The following H1-6 variants were observed in gnomAD, a reference collection of about 807,000 sequenced individuals.
H1-6 encodes the protein H1.6 linker histone, cluster member, also known as histone H1t.
For missense variants in H1-6, 538 were observed against 246.5 expected (o/e 2.18, Z -7.92); for synonymous variants, 225 against 100.1 (o/e 2.25, Z -7.45).
Position 26,107,425 on chromosome 6 carries a change from A to G in H1-6, c.*45T>C. On this transcript the variant is annotated 3_prime_UTR_variant, in exon 1 of 1. Coordinates refer to ENST00000338379, the MANE Select transcript of H1-6 (RefSeq NM_005323.4). ...CTTAAAATAATGTGGGTGGCTCTTA[A>G]AAGAGCCTTTGGGTTCTTTCCAAAT... 2 of 1,517,084 alleles carry G rather than the reference A, an allele frequency of 1.3e-6. No individual in the cohort carries two copies. Among genetic ancestry groups the G allele is most frequent in the Non-Finnish European group, 1.8e-6 (2 of 1,129,044 alleles). 94.0% of individuals were successfully genotyped at this position (1,517,084 alleles called of 1,614,324 possible). A position where few individuals can be genotyped will look rare whatever the true frequency, so the allele number is the denominator to read the frequency against.
chr6:26,107,923 T>C lies in H1-6; in HGVS notation c.171A>G (p.Glu57=), dbSNP rs41266795. The C allele has an allele frequency of 1.6e-3, 2,525 of 1,614,208 alleles. 7 individuals are homozygous for C. Among genetic ancestry groups the C allele is most frequent in the Non-Finnish European group, 1.4e-3 (1,644 of 1,180,038 alleles). Residue 57 remains glutamate, a synonymous_variant, in exon 1 of 1, where the codon GAA becomes GAG. Transcript: ENST00000338379. ...GCGCAACCAAAGACATACCTACTCG[T>C]TCCTGTGACACTGAAAGGGCCTCGG... ...LITEALSVSQ[E]RVGMSLVALK... is the part of the protein sequence containing the mutation.
In H1-6 at chr6:26,108,130, A is replaced by G. The variant is rs745898608; in HGVS notation, c.-37T>C. 35 of 1,601,872 alleles carry G rather than the reference A, an allele frequency of 2.2e-5. No homozygotes were observed. Among genetic ancestry groups the G allele is most frequent in the Non-Finnish European group, 2.9e-5 (34 of 1,173,952 alleles). ...AACGCAAGATGTAATAACCAGCGAAAAGCATGAAACACCCGGGCGGCCTCG... is the reference window on the plus strand; with the variant it reads ...AACGCAAGATGTAATAACCAGCGAAGAGCATGAAACACCCGGGCGGCCTCG... On this transcript the variant is annotated 5_prime_UTR_variant, in exon 1 of 1. Coordinates refer to ENST00000338379, the MANE Select transcript of H1-6 (RefSeq NM_005323.4).
In H1-6 at chr6:26,107,979, C is replaced by G. The variant is rs995841661; in HGVS notation, c.115G>C (p.Val39Leu). ...PAGLISASRKVPNLSVSKLIT... is the reference protein window; with the variant it reads ...PAGLISASRKLPNLSVSKLIT... ...AACTTGGACACAGAGAGGTTCGGCA[C>G]TTTGCGACTTGCACTTATCAAGCCA... is the stretch of plus-strand genomic sequence containing the variant. Residue 39 changes from valine (V) to leucine (L), a missense_variant, in exon 1 of 1, where the codon GTG becomes CTG. Transcript: ENST00000338379. 1.2e-6 allele frequency: 2 copies of G among 1,614,226 alleles called. No homozygotes were observed. Among genetic ancestry groups the G allele is most frequent in the Non-Finnish European group, 1.7e-6 (2 of 1,180,048 alleles).
Position 26,107,883 on chromosome 6 carries a change from C to A in H1-6, c.211G>T (p.Ala71Ser), listed in dbSNP as rs751465485. 1.9e-6 allele frequency: 3 copies of A among 1,614,202 alleles called. No homozygotes were observed. The highest frequency in any genetic ancestry group is 2.2e-5 in the East Asian group (1 of 44,892). ...MSLVALKKAL[A>S]AAGYDVEKNN... ...TTCTCTACGTCGTAGCCAGCAGCGG[C>A]CAATGCCTTCTTGAGCGCAACCAAA... The change falls in exon 1 of 1, where the codon GCC becomes TCC. Residue 71 changes from alanine (A) to serine (S), a missense_variant. Physicochemically the swap from Ala to Ser is moderately conservative, Grantham distance 99. Transcript: ENST00000338379.
In H1-6 at chr6:26,107,582, T is replaced by G; in HGVS notation, c.512A>C (p.Lys171Thr). The change falls in exon 1 of 1, where the codon AAA (lysine) becomes ACA (threonine). Residue 171 changes from lysine (K) to threonine (T), a missense_variant. By Grantham distance (78) the Lys-to-Thr change is moderately conservative. Coordinates refer to ENST00000338379, the MANE Select transcript of H1-6 (RefSeq NM_005323.4). The stretch of plus-strand genomic sequence containing the variant: ...CTGCTGTTGCTTACCCTTGGCTCCT[T>G]TAGCCTTTCTCCCGCTCCTAACAGT... ...PKTVRSGRKAKGAKGKQQQKS... is the reference protein window; with the variant it reads ...PKTVRSGRKATGAKGKQQQKS... 1 of 1,614,192 alleles carries G rather than the reference T, an allele frequency of 6.2e-7. No homozygotes were observed. Among genetic ancestry groups the G allele is most frequent in the Non-Finnish European group, 8.5e-7 (1 of 1,180,026 alleles).
rs182006258 is a variant in H1-6, at chr6:26,107,852, T to C, written c.242A>G (p.Asn81Ser). 1 of 1,613,818 alleles carries C rather than the reference T, an allele frequency of 6.2e-7. No homozygotes were observed. The highest frequency in any genetic ancestry group is 1.1e-5 in the South Asian group (1 of 91,088). The change falls in exon 1 of 1, where the codon AAC (asparagine) becomes AGC (serine). Residue 81 changes from asparagine (N) to serine (S), a missense_variant. Physicochemically the swap from Asn to Ser is conservative, Grantham distance 46. Coordinates refer to ENST00000338379, the MANE Select transcript of H1-6 (RefSeq NM_005323.4). ...CTTGAGGGACAGTTTGATGCGGCTG[T>C]TATTCTTCTCTACGTCGTAGCCAGC... ...AAAGYDVEKN[N>S]SRIKLSLKSL...
At position 26,107,841 on chromosome 6, in the gene H1-6, T is replaced by C. The variant is rs1763297058; in HGVS notation, c.253A>G (p.Lys85Glu). The C allele has an allele frequency of 6.2e-7, 1 of 1,614,242 alleles. No homozygotes were observed. The change falls in exon 1 of 1, where the codon AAA becomes GAA. Residue 85 changes from lysine (K) to glutamate (E), a missense_variant. By Grantham distance (56) the Lys-to-Glu change is moderately conservative. Coordinates refer to ENST00000338379, the MANE Select transcript of H1-6 (RefSeq NM_005323.4). ...TTCACTAAGCTCTTGAGGGACAGTTTGATGCGGCTGTTATTCTTCTCTACG... is the reference window on the plus strand; with the variant it reads ...TTCACTAAGCTCTTGAGGGACAGTTCGATGCGGCTGTTATTCTTCTCTACG... ...YDVEKNNSRI[K>E]LSLKSLVNKG... is the part of the protein sequence containing the mutation.
Position 26,107,838 on chromosome 6 carries a change from G to C in H1-6, c.256C>G (p.Leu86Val), listed in dbSNP as rs374196694. 2 of 1,614,242 alleles carry C rather than the reference G, an allele frequency of 1.2e-6. No individual in the cohort carries two copies. The highest frequency in any genetic ancestry group is 2.2e-5 in the South Asian group (2 of 91,088). ...TTGTTCACTAAGCTCTTGAGGGACAGTTTGATGCGGCTGTTATTCTTCTCT... is the reference window on the plus strand; with the variant it reads ...TTGTTCACTAAGCTCTTGAGGGACACTTTGATGCGGCTGTTATTCTTCTCT... ...DVEKNNSRIK[L>V]SLKSLVNKGI... Residue 86 changes from leucine to valine, a missense_variant, in exon 1 of 1, where the codon CTG (leucine) becomes GTG (valine). Physicochemically the swap from Leu to Val is conservative, Grantham distance 32. Transcript: ENST00000338379.
rs776785708 is a variant in H1-6, at chr6:26,107,806, G to C, written c.288C>G (p.Ile96Met). 2.5e-6 allele frequency: 4 copies of C among 1,614,148 alleles called. No individual in the cohort carries two copies. The highest frequency in any genetic ancestry group is 3.4e-6 in the Non-Finnish European group (4 of 1,180,012). The change falls in exon 1 of 1, where the codon ATC (isoleucine) becomes ATG (methionine). Residue 96 changes from isoleucine (I) to methionine (M), a missense_variant. Physicochemically the swap from Ile to Met is conservative, Grantham distance 10. Coordinates refer to ENST00000338379, the MANE Select transcript of H1-6 (RefSeq NM_005323.4). ...LSLKSLVNKG[I>M]LVQTRGTGAS... ...CACCAGTACCCCTGGTTTGCACCAG[G>C]ATTCCCTTGTTCACTAAGCTCTTGA...
At position 26,107,950 on chromosome 6, in the gene H1-6, G is replaced by A. The variant is rs952039477; in HGVS notation, c.144C>T (p.Ile48=). ...CCTGTGACACTGAAAGGGCCTCGGT[G>A]ATCAACTTGGACACAGAGAGGTTCG... ...KVPNLSVSKL[I]TEALSVSQER... The change falls in exon 1 of 1, where the codon ATC becomes ATT. Residue 48 remains isoleucine, a synonymous_variant. Coordinates refer to ENST00000338379, the MANE Select transcript of H1-6 (RefSeq NM_005323.4). 5.6e-6 allele frequency: 9 copies of A among 1,614,102 alleles called. No individual in the cohort carries two copies. Among genetic ancestry groups the A allele is most frequent in the East Asian group, 2.2e-5 (1 of 44,898 alleles).
In H1-6 at chr6:26,107,496, CAT is replaced by C; in HGVS notation, c.596_597del (p.Asn199SerfsTer2). ...KSKLTQHHEV[N>X]VRKATSKK Reference sequence around the variant, plus strand: ...TACTTCTTAGATGTGGCCTTTCTAACATTAACTTCATGATGTTGGGTCAATTT... The same window carrying C: ...TACTTCTTAGATGTGGCCTTTCTAACTAACTTCATGATGTTGGGTCAATTT... On this transcript the variant is annotated frameshift_variant, in exon 1 of 1. Transcript: ENST00000338379. LOFTEE classifies it low-confidence loss of function (END_TRUNC). 6.2e-7 allele frequency: 1 copy of C among 1,605,810 alleles called. No individual in the cohort carries two copies. The highest frequency in any genetic ancestry group is 8.5e-7 in the Non-Finnish European group (1 of 1,177,636).
Position 26,108,060 on chromosome 6 carries a change from C to A in H1-6, c.34G>T (p.Ala12Ser). The A allele has an allele frequency of 6.2e-7, 1 of 1,614,194 alleles. No individual in the cohort carries two copies. ...AGTTTCTCCATAGCGGCTACACCAG[C>A]ACTGGCAGAAGCTGCAGGCACGGTT... ...SETVPAASAS[A>S]GVAAMEKLPT... The change falls in exon 1 of 1, where the codon GCT becomes TCT. Residue 12 changes from alanine to serine, a missense_variant. Coordinates refer to ENST00000338379, the MANE Select transcript of H1-6 (RefSeq NM_005323.4).
Position 26,107,719 on chromosome 6 carries a change from T to C in H1-6, c.375A>G (p.Lys125=), listed in dbSNP as rs1234932448. ...VIPKSTRSKA[K]KSVSAKTKKL... ...TCTTGGTCTTGGCAGAAACTGACTT[T>C]TTAGCCTTGCTTCTGGTAGATTTAG... Residue 125 remains lysine (K), a synonymous_variant, in exon 1 of 1, where the codon AAA becomes AAG. Coordinates refer to ENST00000338379, the MANE Select transcript of H1-6 (RefSeq NM_005323.4). 6.2e-7 allele frequency: 1 copy of C among 1,614,230 alleles called. No homozygotes were observed. Among genetic ancestry groups the C allele is most frequent in the Admixed American group, 1.7e-5 (1 of 60,028 alleles).
chr6:26,107,933 A>C lies in H1-6; in HGVS notation c.161T>G (p.Val54Gly). 6.2e-7 allele frequency: 1 copy of C among 1,614,174 alleles called. No homozygotes were observed. Among genetic ancestry groups the C allele is most frequent in the Non-Finnish European group, 8.5e-7 (1 of 1,180,050 alleles). ...AGACATACCTACTCGTTCCTGTGAC[A>C]CTGAAAGGGCCTCGGTGATCAACTT... ...VSKLITEALS[V>G]SQERVGMSLV... Residue 54 changes from valine (V) to glycine (G), a missense_variant, in exon 1 of 1, where the codon GTG (valine) becomes GGG (glycine). Physicochemically the swap from Val to Gly is moderately radical, Grantham distance 109. Transcript: ENST00000338379.
Position 26,108,059 on chromosome 6 carries a change from G to C in H1-6, c.35C>G (p.Ala12Gly), listed in dbSNP as rs553362350. The change falls in exon 1 of 1, where the codon GCT becomes GGT. Residue 12 changes from alanine to glycine, a missense_variant. Ala to Gly is a moderately conservative substitution (Grantham distance 60, BLOSUM62 0). Coordinates refer to ENST00000338379, the MANE Select transcript of H1-6 (RefSeq NM_005323.4). ...AAGTTTCTCCATAGCGGCTACACCA[G>C]CACTGGCAGAAGCTGCAGGCACGGT... ...SETVPAASAS[A>G]GVAAMEKLPT... 1.2e-6 allele frequency: 2 copies of C among 1,614,162 alleles called. No individual in the cohort carries two copies. The highest frequency in any genetic ancestry group is 3.3e-5 in the Admixed American group (2 of 60,036).
rs1763271527 is a variant in H1-6, at chr6:26,107,525, G to T, written c.569C>A (p.Ser190Ter). 1.2e-6 allele frequency: 2 copies of T among 1,611,838 alleles called. No homozygotes were observed. Among genetic ancestry groups the T allele is most frequent in the South Asian group, 2.2e-5 (2 of 90,566 alleles). Reference sequence around the variant, plus strand: ...AACTTCATGATGTTGGGTCAATTTTGACTTCGAAGCCCTTGCCTTCACTGG... The same window carrying T: ...AACTTCATGATGTTGGGTCAATTTTTACTTCGAAGCCCTTGCCTTCACTGG... ...KSPVKARASKSKLTQHHEVNV... is the reference protein window; with the variant it reads ...KSPVKARASK Residue 190 changes from serine (S) to a stop codon, truncating the protein, a stop_gained, in exon 1 of 1, where the codon TCA (serine) becomes TAA (stop). Coordinates refer to ENST00000338379, the MANE Select transcript of H1-6 (RefSeq NM_005323.4). LOFTEE classifies it low-confidence loss of function (END_TRUNC).
rs762080874 is a variant in H1-6, at chr6:26,108,079, C to A, written c.15G>T (p.Val5=). Residue 5 remains valine (V), a synonymous_variant, in exon 1 of 1, where the codon GTG becomes GTT. Coordinates refer to ENST00000338379, the MANE Select transcript of H1-6 (RefSeq NM_005323.4). ...CACCAGCACTGGCAGAAGCTGCAGGCACGGTTTCAGACATAACAACAGAGA... is the reference window on the plus strand; with the variant it reads ...CACCAGCACTGGCAGAAGCTGCAGGAACGGTTTCAGACATAACAACAGAGA... MSET[V]PAASASAGVA... 20 of 1,613,876 alleles carry A rather than the reference C, an allele frequency of 1.2e-5. No individual in the cohort carries two copies. The highest frequency in any genetic ancestry group is 8.3e-5 in the Admixed American group (5 of 60,010).
chr6:26,108,110 A>C lies in H1-6; in HGVS notation c.-17T>G. 1 of 1,610,632 alleles carries C rather than the reference A, an allele frequency of 6.2e-7. No individual in the cohort carries two copies. The highest frequency in any genetic ancestry group is 8.5e-7 in the Non-Finnish European group (1 of 1,178,448). On this transcript the variant is annotated 5_prime_UTR_variant, in exon 1 of 1. Transcript: ENST00000338379. ...TTCAGACATAACAACAGAGAAACGCAAGATGTAATAACCAGCGAAAAGCAT... is the reference window on the plus strand; with the variant it reads ...TTCAGACATAACAACAGAGAAACGCCAGATGTAATAACCAGCGAAAAGCAT...
rs753276720 is a variant in H1-6, at chr6:26,108,113, A to G, written c.-20T>C. Reference sequence around the variant, plus strand: ...AGACATAACAACAGAGAAACGCAAGATGTAATAACCAGCGAAAAGCATGAA... The same window carrying G: ...AGACATAACAACAGAGAAACGCAAGGTGTAATAACCAGCGAAAAGCATGAA... On this transcript the variant is annotated 5_prime_UTR_variant, in exon 1 of 1. Transcript: ENST00000338379. The G allele has an allele frequency of 5.0e-6, 8 of 1,610,374 alleles. No homozygotes were observed. The highest frequency in any genetic ancestry group is 3.3e-5 in the South Asian group (3 of 90,768).
Sources: allele counts gnomAD v4.1 joint callset, GRCh38; gene constraint gnomAD v4.1.1; transcripts MANE v1.5; gene names NCBI Gene and HGNC (gene_info 2026-07-23, HGNC 2026-07-21).